Variants in FARS2 observed in about 807,000 individuals in gnomAD.
FARS2 encodes the protein phenylalanine--tRNA ligase, mitochondrial.
A neutral mutation model predicts 46.4 loss-of-function variants in FARS2; 40 were observed. That is an observed-to-expected ratio of 0.86 (90% CI 0.67 to 1.12). FARS2 has a LOEUF of 1.12. Among genes scored for constraint, FARS2 ranks in the 50% most tolerant of loss-of-function variants. The probability of loss-of-function intolerance (pLI) is 0.00; values close to 1 mark genes in which losing one functional copy is unlikely to be tolerated. For missense variants in FARS2, 513 were observed against 567.9 expected, an observed-to-expected ratio of 0.90 and a Z score of 0.98; for synonymous variants, 234 against 214.9, an observed-to-expected ratio of 1.09 and a Z score of -0.78.
chr6:5,740,758 G>A (rs1349066328), intron 6 of FARS2, among the ~76,000 whole-genome samples: 4 of 152,146 alleles, frequency 2.6e-5, no homozygotes, highest in East Asian at 3.9e-4. Flanking sequence ...GAAACAACTC[G>A]TTAGTCTGTA....
At chr6:5,607,321 G>T (rs1454469417) in intron 5 of FARS2, among the ~76,000 whole-genome samples, 2 of 106,694 alleles carry the variant, frequency 1.9e-5, no homozygotes, top group African/African-American at 7.0e-5. Context: ...GTGTGTGTGT[G>T]TGTGTGTGTA....
intron 6 of FARS2, among the ~76,000 whole-genome samples, chr6:5,754,164 T>G (rs1179900354): frequency 1.3e-5 from 2 of 152,218 alleles, no homozygotes; most frequent in Non-Finnish European, 2.9e-5. Context: ...CTATCTGACT[T>G]AAAGGTGATG....
intron 5 of FARS2, among the ~76,000 whole-genome samples, chr6:5,602,509 T>C (rs750810724): frequency 1.3e-4 from 19 of 151,848 alleles, no homozygotes; most frequent in Non-Finnish European, 2.4e-4. Context: ...TAGCTGGGCG[T>C]GGTGGTGGCC....
intron 4 of FARS2, among the ~76,000 whole-genome samples, chr6:5,464,091 T>A (rs1765387306): frequency 6.6e-6 from 1 of 152,250 alleles, no homozygotes; most frequent in African/African-American, 2.4e-5. Flanking sequence ...CTTATTTTTT[T>A]ATTAACCAGT....
At chr6:5,260,461 C>T (rs111557465), upstream of FARS2, among the ~76,000 whole-genome samples, 9,348 of 152,302 alleles carry the variant, frequency 0.061, 421 homozygotes, top group Non-Finnish European at 0.098. Flanking sequence ...AAGGCTCCTC[C>T]CCGAGGTCTC....
intron 1 of FARS2, among the ~76,000 whole-genome samples, chr6:5,330,496 C>T (rs1396278100): frequency 6.6e-6 from 1 of 152,092 alleles, no homozygotes; most frequent in Non-Finnish European, 1.5e-5. Context: ...GGGGTGTTGC[C>T]TCCTACATGG....
In FARS2 at chr6:5,680,733, C is replaced by T. The variant is rs918766312; in HGVS notation, c.1217+67413C>T. 5.4e-4 allele frequency among the ~76,000 whole-genome samples: 72 copies of T among 134,130 alleles called. 1 individual carries two copies. The highest frequency in any genetic ancestry group is 3.8e-4 in the Non-Finnish European group (24 of 63,536). 88.0% of individuals were successfully genotyped at this position (134,130 alleles called of 152,430 possible). ...TTGTTTGTTCTGCAAAAAGTACAGACGTTGTCTTTTTTTTTTTTTTGCTTC... is the reference window on the plus strand; with the variant it reads ...TTGTTTGTTCTGCAAAAAGTACAGATGTTGTCTTTTTTTTTTTTTTGCTTC... On this transcript the variant is annotated intron_variant, in intron 6 of 6. Transcript: ENST00000274680.
chr6:5,307,107 T>G (rs966981355), intron 1 of FARS2, among the ~76,000 whole-genome samples: 1 of 152,190 alleles, frequency 6.6e-6, no homozygotes, highest in Non-Finnish European at 1.5e-5. Flanking sequence ...ATTACATATG[T>G]TTTTCTTTGT....
chr6:5,609,082 C>G (rs1447390859), intron 5 of FARS2: 1 of 599,424 alleles, frequency 1.7e-6, no homozygotes, highest in Non-Finnish European at 3.1e-6. Context: ...TGCCCATACA[C>G]ATGAGTATTT....
chr6:5,709,554 G>T (rs73362285), intron 6 of FARS2, among the ~76,000 whole-genome samples: 2,150 of 152,144 alleles, frequency 0.014, 44 homozygotes, highest in African/African-American at 0.047. Context: ...AAAAAAAAAT[G>T]GTTTGCACAT....
chr6:5,315,428 T>A (rs1473784398), intron 1 of FARS2, among the ~76,000 whole-genome samples: 2 of 152,224 alleles, frequency 1.3e-5, no homozygotes, highest in Non-Finnish European at 2.9e-5. Flanking sequence ...TTTGGTCTGT[T>A]GACATAAATG....
chr6:5,253,833 CAA>C, the FARS2 span, among the ~76,000 whole-genome samples: 40,629 of 137,778 alleles, frequency 0.29, 6,938 homozygotes, highest in African/African-American at 0.51. Context: ...TCATGCTGAG[CAA>C]AAAAAAAAAA....
intron 3 of FARS2, among the ~76,000 whole-genome samples, chr6:5,408,337 TG>T (rs1001881356): frequency 3.6e-4 from 54 of 150,960 alleles, no homozygotes; most frequent in Non-Finnish European, 5.9e-4. Flanking sequence ...ATAAGCAAGG[TG>T]GGGGGGCAGA....
chr6:5,642,495 T>C (rs1359333548), intron 6 of FARS2, among the ~76,000 whole-genome samples: 1 of 152,234 alleles, frequency 6.6e-6, no homozygotes, highest in Non-Finnish European at 1.5e-5. Context: ...TGGAATGTCT[T>C]GAGTTATTCT....
At chr6:5,312,970 A>G (rs1397006034) in intron 1 of FARS2, among the ~76,000 whole-genome samples, 1 of 152,186 alleles carries the variant, frequency 6.6e-6, no homozygotes, top group Non-Finnish European at 1.5e-5. Flanking sequence ...GAATTGCTGG[A>G]GAGCACATAG....
chr6:5,425,115 G>A (rs1212884160), intron 3 of FARS2, among the ~76,000 whole-genome samples: 1 of 152,100 alleles, frequency 6.6e-6, no homozygotes, highest in African/African-American at 2.4e-5. Context: ...GTCAACTGAG[G>A]GAAAATCTAT....
chr6:5,749,500 C>T (rs1014065575), intron 6 of FARS2, among the ~76,000 whole-genome samples: 1 of 152,168 alleles, frequency 6.6e-6, no homozygotes, highest in Non-Finnish European at 1.5e-5. Context: ...GCTGCCAGCT[C>T]CTCCTTGGGA....
intron 1 of FARS2, among the ~76,000 whole-genome samples, chr6:5,366,104 A>G (rs1758658596): frequency 6.6e-6 from 1 of 152,176 alleles, no homozygotes; most frequent in Admixed American, 6.5e-5. Context: ...GCACAGTTCA[A>G]TCCATGTTGT....
In FARS2 at chr6:5,430,934, A is replaced by G. The variant is rs535919210; in HGVS notation, c.773-107A>G. ...AATTAGTTTATTTGCTATTTATTTTACTCAGAATGTAGTAATTGGTGTCAT... is the reference window on the plus strand; with the variant it reads ...AATTAGTTTATTTGCTATTTATTTTGCTCAGAATGTAGTAATTGGTGTCAT... On this transcript the variant is annotated intron_variant, in intron 3 of 6. Transcript: ENST00000274680. 14 of 1,092,030 alleles carry G rather than the reference A, an allele frequency of 1.3e-5. No individual in the cohort carries two copies. The East Asian group carries it at 3.1e-4, about 25-fold the overall frequency. 67.6% of individuals were successfully genotyped at this position (1,092,030 alleles called of 1,614,324 possible).
Sources: gnomAD v4.1 joint callset for allele counts (sites outside exome capture counted in the v4.1 genomes callset) on GRCh38, gnomAD v4.1.1 for gene constraint, MANE v1.5 for transcripts, NCBI Gene and HGNC (gene_info 2026-07-23, HGNC 2026-07-21) for gene names.